Variants in UBAP2 observed in about 807,000 individuals in gnomAD.
The protein encoded by UBAP2 is ubiquitin-associated protein 2.
UBAP2 carries 75 observed loss-of-function variants against 139.6 expected under a neutral mutation model. That is an observed-to-expected ratio of 0.54 (90% CI 0.45 to 0.65). UBAP2 has a LOEUF of 0.65. Among genes scored for constraint, UBAP2 ranks in the 30% least tolerant of loss-of-function variants. The pLI is 0.00. For synonymous variants in UBAP2, 526 were observed against 526.2 expected (o/e 1.00, Z 0.01); for missense variants, 1,368 against 1,369.6 (o/e 1.00, Z 0.02).
At chr9:33,985,950 G>A (rs1434492880) in intron 6 of UBAP2, among the ~76,000 whole-genome samples, 1 of 152,072 alleles carries the variant, frequency 6.6e-6, no homozygotes, top group Non-Finnish European at 1.5e-5. Flanking sequence ...GAGCCCAGGA[G>A]GTGGAGGTTG....
At chr9:33,973,547 T>G (rs565601349) in intron 6 of UBAP2, among the ~76,000 whole-genome samples, 11 of 152,274 alleles carry the variant, frequency 7.2e-5, no homozygotes, top group South Asian at 6.2e-4. Flanking sequence ...GCTAACACCA[T>G]GGAATTATAA....
rs1822958672 is a variant in UBAP2 at position 33,922,341 on chromosome 9, T to C, written c.*163A>G. The stretch of plus-strand genomic sequence containing the variant: ...TCACATTTACAAATACATACATAAA[T>C]ACATTACATACAGTAGCCAGTCTGG... On this transcript the variant is annotated 3_prime_UTR_variant, in exon 29 of 29. Coordinates refer to ENST00000379238, the MANE Select transcript of UBAP2 (RefSeq NM_001370062.2). 1.5e-6 allele frequency: 1 copy of C among 683,544 alleles called. No homozygotes were observed. 42.3% of individuals were successfully genotyped at this position (683,544 alleles called of 1,614,324 possible). A position where few individuals can be genotyped will look rare whatever the true frequency, so the allele number is the denominator to read the frequency against.
At chr9:34,037,244 C>T (rs886907309) in intron 1 of UBAP2, among the ~76,000 whole-genome samples, 9 of 152,004 alleles carry the variant, frequency 5.9e-5, no homozygotes, top group Admixed American at 4.6e-4. Context: ...CGCCTCGGCC[C>T]CCCAAAGTGC....
At chr9:33,952,155 G>A (rs10971818) in intron 12 of UBAP2, among the ~76,000 whole-genome samples, 11,994 of 152,160 alleles carry the variant, frequency 0.079, 678 homozygotes, top group Non-Finnish European at 0.12. Flanking sequence ...ATAAATTTCA[G>A]GAAAAACACA....
In UBAP2 at chr9:33,988,826, G is replaced by A. The variant is rs1207181126; in HGVS notation, c.442+147C>T. 21 of 847,132 alleles carry A rather than the reference G, an allele frequency of 2.5e-5. 1 individual carries two copies. Among genetic ancestry groups the A allele is most frequent in the Admixed American group, 1.8e-4 (7 of 38,962 alleles). The allele number at this position is 847,132 out of a possible 1,614,324, so 52.5% of individuals were successfully genotyped here. On this transcript the variant is annotated intron_variant, in intron 5 of 28. Coordinates refer to ENST00000379238, the MANE Select transcript of UBAP2 (RefSeq NM_001370062.2). Reference sequence around the variant, plus strand: ...CATACTATGGACTAATCTTTCAGTCGTTCAGAATGTATGGAAACTAAGAAA... The same window carrying A: ...CATACTATGGACTAATCTTTCAGTCATTCAGAATGTATGGAAACTAAGAAA...
chr9:33,968,714 CT>C (rs1827665884), intron 8 of UBAP2, among the ~76,000 whole-genome samples: 1 of 152,054 alleles, frequency 6.6e-6, no homozygotes, highest in Non-Finnish European at 1.5e-5. Flanking sequence ...GAAATCTATC[CT>C]TTTACAACAG....
intron 2 of UBAP2, among the ~76,000 whole-genome samples, chr9:34,002,399 G>A (rs1822790971): frequency 8.4e-6 from 1 of 118,770 alleles, no homozygotes. Context: ...TTTTTTTTGA[G>A]ACAGAGTCTC....
chr9:33,922,903 G>C, intron 27 of UBAP2, 25 bp from the exon 28 acceptor site: 1 of 1,612,288 alleles, frequency 6.2e-7, no homozygotes, highest in Non-Finnish European at 8.5e-7. Context: ...AGACAATGGT[G>C]AAGGTCAGGT....
At chr9:34,035,358 C>G (rs1437021894) in intron 1 of UBAP2, among the ~76,000 whole-genome samples, 1 of 150,826 alleles carries the variant, frequency 6.6e-6, no homozygotes, top group East Asian at 2.0e-4. Context: ...AAAAATTAGC[C>G]GGGCATGATG....
intron 1 of UBAP2, among the ~76,000 whole-genome samples, chr9:34,035,514 A>AAT (rs1554692782): frequency 1.3e-4 from 3 of 22,492 alleles, no homozygotes; most frequent in African/African-American, 3.8e-4. Context: ...AAAAAAAAAA[A>AAT]ATATATATAT....
chr9:34,033,486 G>T (rs1237140551), intron 1 of UBAP2, among the ~76,000 whole-genome samples: 11 of 152,068 alleles, frequency 7.2e-5, no homozygotes. Flanking sequence ...GGGGGACTTG[G>T]GGGAGGTAGG....
intron 3 of UBAP2, 101 bp from the exon 4 acceptor site, chr9:33,996,434 G>C (rs998463169): frequency 1.9e-5 from 15 of 782,984 alleles, no homozygotes; most frequent in Non-Finnish European, 3.0e-5. Flanking sequence ...CCTTCTACAT[G>C]AAGATGGCCT....
At chr9:34,007,478 C>T (rs1252139001) in intron 2 of UBAP2, among the ~76,000 whole-genome samples, 1 of 148,658 alleles carries the variant, frequency 6.7e-6, no homozygotes, top group Non-Finnish European at 1.5e-5. Flanking sequence ...GCCTGGGTGA[C>T]CCTGTCTCAA....
chr9:33,980,938 AC>A (rs1402212993), intron 6 of UBAP2, among the ~76,000 whole-genome samples: 1 of 150,684 alleles, frequency 6.6e-6, no homozygotes, highest in Non-Finnish European at 1.5e-5. Context: ...CAATGCAAGA[AC>A]CTGTCTCAAA....
intron 5 of UBAP2, among the ~76,000 whole-genome samples, chr9:33,988,737 G>T (rs535962214): frequency 6.6e-6 from 1 of 152,152 alleles, no homozygotes; most frequent in South Asian, 2.1e-4. Context: ...AACTACTCAG[G>T]TGCCACTCAT....
intron 1 of UBAP2, among the ~76,000 whole-genome samples, chr9:34,030,084 T>TG (rs1373611946): frequency 6.7e-6 from 1 of 150,236 alleles, no homozygotes; most frequent in Non-Finnish European, 1.5e-5. Context: ...GAGAGCAGTG[T>TG]GGGGCCAGGA....
chr9:33,942,869 A>G (rs949140218), intron 15 of UBAP2, among the ~76,000 whole-genome samples: 2 of 152,224 alleles, frequency 1.3e-5, no homozygotes, highest in Non-Finnish European at 2.9e-5. Flanking sequence ...GTCAAATGCT[A>G]CAGCCACAGT....
chr9:33,969,652 A>C (rs1348772573), intron 8 of UBAP2, among the ~76,000 whole-genome samples: 1 of 151,784 alleles, frequency 6.6e-6, no homozygotes, highest in Non-Finnish European at 1.5e-5. Context: ...GGATCATTTG[A>C]GGTCAGGAGT....
At chr9:34,020,152 A>G (rs10971856) in intron 1 of UBAP2, among the ~76,000 whole-genome samples, 1 of 138,046 alleles carries the variant, frequency 7.2e-6, no homozygotes, top group Non-Finnish European at 1.6e-5. Context: ...TCCATTATTA[A>G]AAAAAAAAAA....
Sources: gnomAD v4.1 joint callset for allele counts (sites outside exome capture counted in the v4.1 genomes callset) on GRCh38, gnomAD v4.1.1 for gene constraint, MANE v1.5 for transcripts, NCBI Gene and HGNC (gene_info 2026-07-23, HGNC 2026-07-21) for gene names.